Variants in ADTRP observed in about 807,000 individuals in gnomAD.
The protein encoded by ADTRP is androgen-dependent TFPI-regulating protein.
A neutral mutation model predicts 27.0 loss-of-function variants in ADTRP; 20 were observed. The ratio of observed to expected loss-of-function variants is 0.74; its 90% CI spans 0.52 to 1.08. The LOEUF (loss-of-function observed/expected upper bound fraction) is 1.08. Ranked by LOEUF, ADTRP falls within the 50% of genes least tolerant of loss-of-function variation. The pLI is 0.00. For missense variants in ADTRP, 251 were observed against 275.0 expected (o/e 0.91, Z 0.62); for synonymous variants, 101 against 105.2 (o/e 0.96, Z 0.25).
intron 1 of ADTRP, among the ~76,000 whole-genome samples, chr6:11,773,477 G>C (rs2235388): frequency 0.65 from 99,228 of 152,098 alleles, 32,732 homozygotes; most frequent in East Asian, 0.93. Flanking sequence ...TGAGCTGCTC[G>C]TTCAGAGCTG....
chr6:11,751,572 T>C (rs544057385), intron 3 of ADTRP, among the ~76,000 whole-genome samples: 1 of 152,150 alleles, frequency 6.6e-6, no homozygotes, highest in African/African-American at 2.4e-5. Flanking sequence ...CCCCTCTCGG[T>C]TTACACTCTA....
At chr6:11,757,971 C>T (rs1366323528) in intron 3 of ADTRP, among the ~76,000 whole-genome samples, 1 of 152,194 alleles carries the variant, frequency 6.6e-6, no homozygotes, top group East Asian at 1.9e-4. Flanking sequence ...TCATGGTGCC[C>T]TGAGCCTGCC....
In ADTRP at chr6:11,735,955, T is replaced by A. The variant is rs1321986224; in HGVS notation, c.391-272A>T. On this transcript the variant is annotated intron_variant, in intron 3 of 5. Transcript: ENST00000414691. ...CCCACTGCTCCCCTCTCCCTACTTTTTTTTGGCGGGGGTGGGGGGTGGAGA... is the reference window on the plus strand; with the variant it reads ...CCCACTGCTCCCCTCTCCCTACTTTATTTTGGCGGGGGTGGGGGGTGGAGA... 5.2e-5 allele frequency: 16 copies of A among 306,164 alleles called. No homozygotes were observed. In the South Asian group the frequency reaches 7.8e-4, roughly 15 times the overall value. 19.0% of individuals were successfully genotyped at this position (306,164 alleles called of 1,614,324 possible). A position where few individuals can be genotyped will look rare whatever the true frequency, so the allele number is the denominator to read the frequency against.
At chr6:11,726,806 G>A (rs934556494) in intron 4 of ADTRP, among the ~76,000 whole-genome samples, 3 of 152,106 alleles carry the variant, frequency 2.0e-5, no homozygotes, top group African/African-American at 4.8e-5. Context: ...ACTTAAAATC[G>A]TTAAAGTTGT....
At chr6:11,760,233 A>G (rs1763353959) in intron 3 of ADTRP, among the ~76,000 whole-genome samples, 1 of 152,130 alleles carries the variant, frequency 6.6e-6, no homozygotes, top group Non-Finnish European at 1.5e-5. Context: ...GACAGAGCAT[A>G]ACCAAGGCTC....
intron 3 of ADTRP, among the ~76,000 whole-genome samples, chr6:11,761,863 T>G (rs541208411): frequency 1.3e-5 from 2 of 152,140 alleles, no homozygotes; most frequent in Non-Finnish European, 2.9e-5. Flanking sequence ...TCCCTCAAGG[T>G]TGAAAACCAC....
At chr6:11,766,132 C>T (rs1262319313) in intron 3 of ADTRP, 142 bp downstream of exon 3, 1 of 563,510 alleles carries the variant, frequency 1.8e-6, no homozygotes, top group Admixed American at 3.5e-5. Context: ...TTCATACCTT[C>T]AATATGCCCT....
intron 3 of ADTRP, among the ~76,000 whole-genome samples, chr6:11,751,316 A>T (rs1489903822): frequency 6.6e-6 from 1 of 152,206 alleles, no homozygotes; most frequent in South Asian, 2.1e-4. Context: ...ACCACTTCCA[A>T]TGTATTCCTA....
At chr6:11,725,397 T>C (rs977020090) in intron 4 of ADTRP, among the ~76,000 whole-genome samples, 4 of 152,056 alleles carry the variant, frequency 2.6e-5, no homozygotes, top group African/African-American at 9.7e-5. Context: ...AGAAGATACA[T>C]AAAAGGCCAA....
chr6:11,744,013 A>G (rs1762793313), intron 3 of ADTRP, among the ~76,000 whole-genome samples: 1 of 152,196 alleles, frequency 6.6e-6, no homozygotes, highest in African/African-American at 2.4e-5. Flanking sequence ...TTTGATCTCC[A>G]TTGTTAAAGA....
chr6:11,734,557 A>G (rs535173498), intron 4 of ADTRP, among the ~76,000 whole-genome samples: 2 of 152,266 alleles, frequency 1.3e-5, no homozygotes, highest in South Asian at 4.1e-4. Context: ...GGGCACAGAA[A>G]GGTGGGAGGG....
At chr6:11,768,496 T>C in intron 1 of ADTRP, 113 bp from the exon 2 acceptor site, 1 of 1,391,676 alleles carries the variant, frequency 7.2e-7, no homozygotes, top group Non-Finnish European at 9.8e-7. Context: ...GGGAGAGGGC[T>C]GTTGGGTTGT....
intron 3 of ADTRP, among the ~76,000 whole-genome samples, chr6:11,761,978 G>T (rs1216735412): frequency 6.6e-6 from 1 of 152,162 alleles, no homozygotes; most frequent in South Asian, 2.1e-4. Context: ...CAATGCTTGG[G>T]ATGAAGAGTG....
At chr6:11,770,500 T>A (rs146100209) in intron 1 of ADTRP, among the ~76,000 whole-genome samples, 1 of 152,024 alleles carries the variant, frequency 6.6e-6, no homozygotes, top group Non-Finnish European at 1.5e-5. Context: ...GAAAGGTCCT[T>A]GTCTAAGGGA....
chr6:11,722,894 G>A (rs1762062755), intron 5 of ADTRP, among the ~76,000 whole-genome samples: 1 of 152,156 alleles, frequency 6.6e-6, no homozygotes, highest in South Asian at 2.1e-4. Context: ...AGGTACTGCT[G>A]AGTTGGGAGG....
Position 11,775,216 on chromosome 6 carries a change from T to C in ADTRP, c.153+3391A>G, listed in dbSNP as rs140986915. On this transcript the variant is annotated intron_variant, in intron 1 of 5. Coordinates refer to ENST00000414691, the MANE Select transcript of ADTRP (RefSeq NM_032744.4). ...GTGCTCAGTGAGGAGACTGATGTTC[T>C]ACTAAGTCACCCTCCTGCATCACCT... Among the ~76,000 whole-genome samples, 1,011 of 152,188 alleles carry C rather than the reference T, an allele frequency of 6.6e-3. 7 individuals are homozygous for C. Among genetic ancestry groups the C allele is most frequent in the Non-Finnish European group, 0.012 (809 of 67,982 alleles).
At chr6:11,714,764 A>C (rs1436141316) in intron 5 of ADTRP, among the ~76,000 whole-genome samples, 1 of 152,240 alleles carries the variant, frequency 6.6e-6, no homozygotes, top group East Asian at 1.9e-4. Context: ...GTTTGCCTTC[A>C]GGTACTCTGC....
At chr6:11,757,257 C>T (rs1376272382) in intron 3 of ADTRP, among the ~76,000 whole-genome samples, 2 of 152,106 alleles carry the variant, frequency 1.3e-5, no homozygotes, top group Non-Finnish European at 2.9e-5. Context: ...CGCTAACCCA[C>T]CCTATATGAT....
intron 4 of ADTRP, among the ~76,000 whole-genome samples, chr6:11,727,275 C>T (rs1762238858): frequency 6.6e-6 from 1 of 152,180 alleles, no homozygotes; most frequent in Admixed American, 6.5e-5. Context: ...CCACCTCAGC[C>T]TCCCAAAGTG....
Sources: allele counts gnomAD v4.1 joint callset (sites outside exome capture counted in the v4.1 genomes callset), GRCh38; gene constraint gnomAD v4.1.1; transcripts MANE v1.5; gene names NCBI Gene and HGNC (gene_info 2026-07-23, HGNC 2026-07-21).